TSHZ2: variants seen among roughly 807,000 people sequenced by gnomAD.
TSHZ2 encodes the protein teashirt homolog 2.
A neutral mutation model predicts 74.4 loss-of-function variants in TSHZ2; 21 were observed. The ratio of observed to expected loss-of-function variants is 0.28; its 90% confidence interval spans 0.20 to 0.41. The LOEUF is 0.41. TSHZ2 is among the 10% of genes least tolerant of loss of function. The pLI is 1.00. For missense variants in TSHZ2, 1,244 were observed against 1,293.5 expected (o/e 0.96, Z 0.59); for synonymous variants, 540 against 515.3 (o/e 1.05, Z -0.65).
At chr20:53,383,061 G>A (rs530325392) in intron 2 of TSHZ2, among the ~76,000 whole-genome samples, 160 of 152,268 alleles carry the variant, frequency 1.1e-3, no homozygotes, top group African/African-American at 1.6e-3. Flanking sequence ...CGGAGGTCGA[G>A]ACCAGCCTGG....
intron 2 of TSHZ2, among the ~76,000 whole-genome samples, chr20:53,325,703 T>G (rs1225626155): frequency 1.3e-5 from 2 of 151,634 alleles, no homozygotes; most frequent in African/African-American, 4.8e-5. Flanking sequence ...TTTTTAACTG[T>G]GTGAAGTTTT....
chr20:53,316,733 G>A (rs1979039800), intron 2 of TSHZ2, among the ~76,000 whole-genome samples: 1 of 152,056 alleles, frequency 6.6e-6, no homozygotes, highest in Non-Finnish European at 1.5e-5. Context: ...GGTGAGTCAT[G>A]CTCTCACTGC....
chr20:53,340,173 C>CTTTTTTTTTTTTTTTT lies in TSHZ2; in HGVS notation c.*8+83605_*8+83606insTTTTTTTTTTTTTTTT, dbSNP rs1285149762. Among the ~76,000 whole-genome samples, 23 of 62,110 alleles carry CTTTTTTTTTTTTTTTT rather than the reference C, an allele frequency of 3.7e-4. 3 individuals are homozygous for CTTTTTTTTTTTTTTTT. Among genetic ancestry groups the CTTTTTTTTTTTTTTTT allele is most frequent in the African/African-American group, 1.7e-3 (21 of 12,602 alleles). The allele number at this position is 62,110 out of a possible 152,430, so 40.7% of individuals were successfully genotyped here. A position where few individuals can be genotyped will look rare whatever the true frequency, so the allele number is the denominator to read the frequency against. The stretch of plus-strand genomic sequence containing the variant: ...GCTAGGATAAAACAAGGTGACTTTT[C>CTTTTTTTTTTTTTTTT]TTTCTTTTTTCTTTTTTTTTTTTTT... On this transcript the variant is annotated intron_variant, in intron 2 of 2. Coordinates refer to ENST00000371497, the MANE Select transcript of TSHZ2 (RefSeq NM_173485.6).
intron 1 of TSHZ2, among the ~76,000 whole-genome samples, chr20:53,190,169 A>G (rs1319976635): frequency 4.8e-5 from 6 of 125,036 alleles, no homozygotes; most frequent in African/African-American, 1.8e-4. Context: ...CTTTTTGTAT[A>G]TCGCTATCTG....
At chr20:53,425,806 T>G (rs760185808) in intron 2 of TSHZ2, among the ~76,000 whole-genome samples, 1 of 151,400 alleles carries the variant, frequency 6.6e-6, no homozygotes, top group Non-Finnish European at 1.5e-5. Flanking sequence ...CTTTTGTTTT[T>G]TTTTTTCTCA....
chr20:52,982,031 A>T (rs1291289483), intron 1 of TSHZ2, among the ~76,000 whole-genome samples: 1 of 152,226 alleles, frequency 6.6e-6, no homozygotes, highest in Non-Finnish European at 1.5e-5. Flanking sequence ...ATAGAAAAAA[A>T]GCTTCATGAT....
chr20:52,988,501 C>T (rs1356926246), intron 1 of TSHZ2, among the ~76,000 whole-genome samples: 2 of 151,732 alleles, frequency 1.3e-5, no homozygotes, highest in Non-Finnish European at 2.9e-5. Flanking sequence ...CATAAATAAA[C>T]TTCCACAATA....
intron 2 of TSHZ2, among the ~76,000 whole-genome samples, chr20:53,450,769 G>T (rs1344713869): frequency 6.6e-6 from 1 of 152,140 alleles, no homozygotes; most frequent in Non-Finnish European, 1.5e-5. Flanking sequence ...CAATTCTCCT[G>T]CCTTGGCCTC....
intron 1 of TSHZ2, among the ~76,000 whole-genome samples, chr20:53,035,402 A>C (rs1983781678): frequency 6.6e-6 from 1 of 152,040 alleles, no homozygotes; most frequent in African/African-American, 2.4e-5. Flanking sequence ...TTTGTTTTTT[A>C]GTTTTTTAAT....
At chr20:53,059,312 G>A (rs1206999995) in intron 1 of TSHZ2, among the ~76,000 whole-genome samples, 3 of 152,128 alleles carry the variant, frequency 2.0e-5, no homozygotes, top group Non-Finnish European at 4.4e-5. Context: ...CAAGGGAGCA[G>A]GTTTTAACAT....
chr20:53,463,504 A>T (rs1568929665), intron 2 of TSHZ2, among the ~76,000 whole-genome samples: 1 of 152,006 alleles, frequency 6.6e-6, no homozygotes, highest in Non-Finnish European at 1.5e-5. Flanking sequence ...GAGAGAAGGA[A>T]GAGAGGAATG....
chr20:53,341,793 C>G (rs1980215378), intron 2 of TSHZ2, among the ~76,000 whole-genome samples: 1 of 152,282 alleles, frequency 6.6e-6, no homozygotes, highest in South Asian at 2.1e-4. Context: ...TCACTGCAAC[C>G]TCCACCTCCC....
chr20:53,096,440 G>A (rs1331380352), intron 1 of TSHZ2, among the ~76,000 whole-genome samples: 2 of 152,176 alleles, frequency 1.3e-5, no homozygotes, highest in Admixed American at 6.5e-5. Context: ...ACCATGCCCG[G>A]CCTGTATTGT....
rs370266960 is a variant in TSHZ2 at position 53,206,266 on chromosome 20, C to A, written c.41-47233C>A. Among the ~76,000 whole-genome samples, 8 of 152,268 alleles carry A rather than the reference C, an allele frequency of 5.3e-5. No individual in the cohort carries two copies. In the South Asian group the frequency reaches 1.7e-3, roughly 32 times the overall value. ...AATAAATAAAGACACACATAGCAGT[C>A]ACCACATATGATTGCTGTGAGGATT... On this transcript the variant is annotated intron_variant, in intron 1 of 2. Coordinates refer to ENST00000371497, the MANE Select transcript of TSHZ2 (RefSeq NM_173485.6).
At chr20:53,085,885 A>G (rs985642045) in intron 1 of TSHZ2, among the ~76,000 whole-genome samples, 2 of 152,026 alleles carry the variant, frequency 1.3e-5, no homozygotes, top group Non-Finnish European at 2.9e-5. Context: ...TAAGCATTAA[A>G]CCACAAGCCA....
At chr20:53,127,275 C>T (rs1986972454) in intron 1 of TSHZ2, among the ~76,000 whole-genome samples, 1 of 152,180 alleles carries the variant, frequency 6.6e-6, no homozygotes, top group South Asian at 2.1e-4. Flanking sequence ...GGACGAAGCT[C>T]TCAGATGACT....
Position 53,117,466 on chromosome 20 carries a change from T to C in TSHZ2, c.41-136033T>C, listed in dbSNP as rs552510046. On this transcript the variant is annotated intron_variant, in intron 1 of 2. Coordinates refer to ENST00000371497, the MANE Select transcript of TSHZ2 (RefSeq NM_173485.6). ...ACCTGCCCTTCAGGAGCCTCCTTCC[T>C]GGTGAAGGGAGACAGACAATAGTTG... 2.0e-5 allele frequency among the ~76,000 whole-genome samples: 3 copies of C among 152,292 alleles called. No homozygotes were observed. In the East Asian group the frequency reaches 5.8e-4, roughly 29 times the overall value.
intron 2 of TSHZ2, among the ~76,000 whole-genome samples, chr20:53,422,508 A>G (rs541636703): frequency 6.6e-6 from 1 of 152,346 alleles, no homozygotes; most frequent in African/African-American, 2.4e-5. Flanking sequence ...TCTCAAGAAG[A>G]AGAGAGTTGA....
chr20:53,185,856 G>A (rs1988585444), intron 1 of TSHZ2, among the ~76,000 whole-genome samples: 1 of 152,106 alleles, frequency 6.6e-6, no homozygotes, highest in African/African-American at 2.4e-5. Context: ...ATATCTATCA[G>A]CAGACTACAA....
Sources: gnomAD v4.1 joint callset for allele counts (sites outside exome capture counted in the v4.1 genomes callset) on GRCh38, gnomAD v4.1.1 for gene constraint, MANE v1.5 for transcripts, NCBI Gene and HGNC (gene_info 2026-07-23, HGNC 2026-07-21) for gene names.